EFCAB13: variants seen among roughly 807,000 people sequenced by gnomAD.
The protein encoded by EFCAB13 is EF-hand calcium binding domain 13.
EFCAB13 carries 91 observed loss-of-function variants against 110.2 expected under a neutral mutation model. That is an observed-to-expected ratio of 0.83 (90% confidence interval 0.70 to 0.98). The LOEUF is 0.98. EFCAB13 is among the 50% of genes least tolerant of loss of function. The probability of loss-of-function intolerance (pLI) is 0.00; values close to 1 mark genes in which losing one functional copy is unlikely to be tolerated. For missense variants in EFCAB13, 968 were observed against 1,119.4 expected, an observed-to-expected ratio of 0.86 and a Z score of 1.93; for synonymous variants, 323 against 369.9, an observed-to-expected ratio of 0.87 and a Z score of 1.45.
chr17:47,399,049 A>G (rs1178526869), intron 17 of EFCAB13, among the ~76,000 whole-genome samples: 2 of 152,062 alleles, frequency 1.3e-5, no homozygotes, highest in African/African-American at 2.4e-5. Context: ...CAGCCTCCCA[A>G]GTAGCTGGGA....
chr17:47,366,652 C>CA (rs977802740), intron 10 of EFCAB13, among the ~76,000 whole-genome samples: 2 of 152,144 alleles, frequency 1.3e-5, no homozygotes, highest in Non-Finnish European at 2.9e-5. Flanking sequence ...GCCTTAGTTT[C>CA]AACCAGGAAT....
intron 4 of EFCAB13, 148 bp from the exon 5 acceptor site, chr17:47,335,048 G>A (rs2065341302): frequency 1.3e-6 from 1 of 760,366 alleles, no homozygotes; most frequent in South Asian, 2.3e-5. Context: ...TAATACATTA[G>A]TGAGTAAAAC....
intron 24 of EFCAB13, among the ~76,000 whole-genome samples, chr17:47,436,781 A>T (rs1905224223): frequency 7.1e-6 from 1 of 141,766 alleles, no homozygotes; most frequent in Non-Finnish European, 1.5e-5. Flanking sequence ...TTCTGGTCTG[A>T]TCTTTGTTAT....
Position 47,393,757 on chromosome 17 carries a change from A to T in EFCAB13, c.1727-268A>T, listed in dbSNP as rs143582987. Reference sequence around the variant, plus strand: ...ATAAATAAATAAATAAATAAATAAAAATAAAAATAAATAAAAGTTAAAAAT... The same window carrying T: ...ATAAATAAATAAATAAATAAATAAATATAAAAATAAATAAAAGTTAAAAAT... On this transcript the variant is annotated intron_variant, in intron 15 of 24. Transcript: ENST00000331493. Among the ~76,000 whole-genome samples, 496 of 133,840 alleles carry T rather than the reference A, an allele frequency of 3.7e-3. 3 individuals are homozygous for T. The highest frequency in any genetic ancestry group is 1.0e-2 in the East Asian group (41 of 4,116). The allele number at this position is 133,840 out of a possible 152,430, so 87.8% of individuals were successfully genotyped here. A position where few individuals can be genotyped will look rare whatever the true frequency, so the allele number is the denominator to read the frequency against.
intron 10 of EFCAB13, among the ~76,000 whole-genome samples, chr17:47,367,686 A>G (rs1199508378): frequency 2.0e-5 from 3 of 152,222 alleles, no homozygotes; most frequent in Admixed American, 1.3e-4. Flanking sequence ...GAAGCCTGAC[A>G]GGTAGAACTT....
At chr17:47,391,044 A>C (rs753594555) in intron 14 of EFCAB13, among the ~76,000 whole-genome samples, 2 of 152,050 alleles carry the variant, frequency 1.3e-5, no homozygotes, top group African/African-American at 4.8e-5. Context: ...GGCTCAAGCA[A>C]TTCTCCTACC....
chr17:47,415,900 T>C (rs149578243), intron 23 of EFCAB13, among the ~76,000 whole-genome samples: 1 of 152,158 alleles, frequency 6.6e-6, no homozygotes, highest in East Asian at 1.9e-4. Flanking sequence ...GTCTTATTCT[T>C]TTTGAAATTA....
At chr17:47,338,556 TA>T (rs1380856326) in intron 5 of EFCAB13, among the ~76,000 whole-genome samples, 3 of 148,022 alleles carry the variant, frequency 2.0e-5, no homozygotes, top group African/African-American at 7.5e-5. Flanking sequence ...GGTTTACTAC[TA>T]GTTTTTTTTT....
chr17:47,325,337 C>T (rs181018342), intron 2 of EFCAB13, among the ~76,000 whole-genome samples: 1 of 152,208 alleles, frequency 6.6e-6, no homozygotes, highest in East Asian at 1.9e-4. Context: ...ATTGCTCACT[C>T]TTGAAGTACT....
chr17:47,353,556 A>G (rs1366436705), intron 9 of EFCAB13, among the ~76,000 whole-genome samples: 2 of 152,162 alleles, frequency 1.3e-5, no homozygotes, highest in Non-Finnish European at 2.9e-5. Flanking sequence ...TTGGTCTCCC[A>G]AAGTGTTGGA....
chr17:47,361,721 TTA>T (rs2065514607), intron 10 of EFCAB13, among the ~76,000 whole-genome samples, 200 bp downstream of exon 10: 1 of 152,152 alleles, frequency 6.6e-6, no homozygotes, highest in Non-Finnish European at 1.5e-5. Context: ...TCTAAAATTG[TTA>T]TAGTTTGGTA....
chr17:47,378,315 G>A (rs941912937), intron 13 of EFCAB13, among the ~76,000 whole-genome samples: 14 of 152,192 alleles, frequency 9.2e-5, no homozygotes, highest in African/African-American at 3.1e-4. Flanking sequence ...GGAATTTAGA[G>A]CCAGGTATGC....
chr17:47,438,980 T>C (rs1365989956), intron 24 of EFCAB13, among the ~76,000 whole-genome samples: 1 of 151,972 alleles, frequency 6.6e-6, no homozygotes. Flanking sequence ...CAAGCTTCTT[T>C]CTTTTATCTC....
chr17:47,396,953 A>G (rs2143426140), intron 17 of EFCAB13, among the ~76,000 whole-genome samples: 1 of 152,328 alleles, frequency 6.6e-6, no homozygotes, highest in South Asian at 2.1e-4. Context: ...AGTAATAGAT[A>G]GCATTTATTT....
intron 4 of EFCAB13, among the ~76,000 whole-genome samples, chr17:47,329,217 G>C (rs1000406674): frequency 6.6e-6 from 1 of 151,898 alleles, no homozygotes; most frequent in African/African-American, 2.4e-5. Flanking sequence ...GTAAACAAGG[G>C]GGGCATTCCA....
chr17:47,381,508 C>T (rs2065647239), intron 14 of EFCAB13, among the ~76,000 whole-genome samples: 1 of 152,088 alleles, frequency 6.6e-6, no homozygotes, highest in Admixed American at 6.6e-5. Flanking sequence ...AGTATTTAAT[C>T]CATCTTGAGT....
At chr17:47,391,075 G>A (rs939207075) in intron 14 of EFCAB13, among the ~76,000 whole-genome samples, 8 of 152,052 alleles carry the variant, frequency 5.3e-5, no homozygotes, top group African/African-American at 1.9e-4. Context: ...CAGTAGCTAG[G>A]AATACAGGTG....
intron 5 of EFCAB13, among the ~76,000 whole-genome samples, chr17:47,341,641 G>A (rs1301425121): frequency 2.0e-5 from 3 of 152,000 alleles, no homozygotes; most frequent in Non-Finnish European, 2.9e-5. Flanking sequence ...GATTACAGGT[G>A]TGCACCTCCG....
At chr17:47,359,255 G>A (rs2065497050) in intron 9 of EFCAB13, among the ~76,000 whole-genome samples, 1 of 152,090 alleles carries the variant, frequency 6.6e-6, no homozygotes, top group South Asian at 2.1e-4. Context: ...AATCGCTTGA[G>A]CTGGGGAGGC....
Sources: allele counts gnomAD v4.1 joint callset (sites outside exome capture counted in the v4.1 genomes callset), GRCh38; gene constraint gnomAD v4.1.1; transcripts MANE v1.5; gene names NCBI Gene and HGNC (gene_info 2026-07-23, HGNC 2026-07-21).